The following ROBO1 variants were observed in gnomAD, a reference collection of about 807,000 sequenced individuals.
The protein encoded by ROBO1 is roundabout homolog 1.
ROBO1 carries 149 observed loss-of-function variants against 195.9 expected under a neutral mutation model. The observed-to-expected ratio is 0.76, with a 90% CI of 0.67 to 0.87. ROBO1 has a LOEUF of 0.87. Among genes scored for constraint, ROBO1 ranks in the 40% least tolerant of loss-of-function variants. The pLI, the probability that ROBO1 is intolerant of heterozygous loss-of-function variation, is 0.00. For missense variants in ROBO1, 1,933 were observed against 2,068.3 expected (o/e 0.93, Z 1.27); for synonymous variants, 816 against 733.2 (o/e 1.11, Z -1.82).
chr3:79,105,492 C>T (rs998088487), intron 3 of ROBO1, among the ~76,000 whole-genome samples: 2 of 151,328 alleles, frequency 1.3e-5, no homozygotes, highest in Non-Finnish European at 3.0e-5. Context: ...AGCCAGCTAG[C>T]AATTTGGTAA....
At chr3:79,349,066 G>A (rs916926952) in intron 2 of ROBO1, among the ~76,000 whole-genome samples, 4 of 152,172 alleles carry the variant, frequency 2.6e-5, no homozygotes, top group Admixed American at 1.3e-4. Flanking sequence ...TTTGTACTGT[G>A]AGGATGCTAG....
At chr3:78,657,370 T>C in intron 17 of ROBO1, 101 bp from the exon 18 acceptor site, 1 of 1,096,210 alleles carries the variant, frequency 9.1e-7, no homozygotes, top group South Asian at 1.6e-5. Context: ...AGTACTAAAC[T>C]GTCATGCACT....
intron 1 of ROBO1, among the ~76,000 whole-genome samples, chr3:79,734,003 A>G (rs1177125404): frequency 6.7e-6 from 1 of 149,016 alleles, no homozygotes; most frequent in Non-Finnish European, 1.5e-5. Context: ...GCTGGATTGC[A>G]ATGGTGCGAT....
chr3:78,935,745 A>T (rs895874984), intron 4 of ROBO1, among the ~76,000 whole-genome samples: 1 of 152,072 alleles, frequency 6.6e-6, no homozygotes, highest in Non-Finnish European at 1.5e-5. Flanking sequence ...TCTCATCAAG[A>T]CATGATTATT....
chr3:78,729,152 C>T (rs1255493943), intron 5 of ROBO1, among the ~76,000 whole-genome samples: 1 of 152,168 alleles, frequency 6.6e-6, no homozygotes, highest in Non-Finnish European at 1.5e-5. Flanking sequence ...TCATTTCTTC[C>T]TCATAACAAT....
intron 2 of ROBO1, among the ~76,000 whole-genome samples, chr3:79,583,295 T>C (rs1402148854): frequency 3.3e-5 from 5 of 152,006 alleles, no homozygotes; most frequent in African/African-American, 1.2e-4. Context: ...GGAAAAAGAA[T>C]GTGAGGACAA....
chr3:79,507,368 T>C (rs748700473), intron 2 of ROBO1, among the ~76,000 whole-genome samples: 1 of 152,212 alleles, frequency 6.6e-6, no homozygotes, highest in Non-Finnish European at 1.5e-5. Flanking sequence ...CAGGGGTTTT[T>C]GTTCACTGAC....
chr3:79,651,901 T>A (rs917609829), intron 1 of ROBO1, among the ~76,000 whole-genome samples: 7 of 152,148 alleles, frequency 4.6e-5, no homozygotes, highest in African/African-American at 1.7e-4. Flanking sequence ...ACCAACATTT[T>A]TTCTCTTACT....
intron 11 of ROBO1, 60 bp from the exon 12 acceptor site, chr3:78,668,625 A>G: frequency 6.6e-7 from 1 of 1,504,282 alleles, no homozygotes; most frequent in Non-Finnish European, 9.2e-7. Context: ...GGGCTGGAAA[A>G]GCAATTACAG....
chr3:79,018,644 G>C, intron 3 of ROBO1: 1 of 1,415,344 alleles, frequency 7.1e-7, no homozygotes, highest in Admixed American at 2.7e-5. Flanking sequence ...GTATCTCAGA[G>C]ACTTTTGCAG....
At chr3:79,431,514 A>T (rs570774856) in intron 2 of ROBO1, among the ~76,000 whole-genome samples, 88 of 152,260 alleles carry the variant, frequency 5.8e-4, no homozygotes, top group Non-Finnish European at 5.7e-4. Context: ...CTGCGATACC[A>T]TGGTAATGCA....
chr3:78,891,475 G>A (rs953572238), intron 4 of ROBO1, among the ~76,000 whole-genome samples: 11 of 152,246 alleles, frequency 7.2e-5, no homozygotes, highest in Admixed American at 2.6e-4. Context: ...GGCAAAAATA[G>A]AAACAACCCT....
intron 2 of ROBO1, among the ~76,000 whole-genome samples, chr3:79,434,774 T>A (rs892027806): frequency 1.8e-4 from 27 of 152,276 alleles, no homozygotes; most frequent in African/African-American, 6.0e-4. Context: ...GTATGTTTAT[T>A]GTGGCACTAT....
chr3:79,018,646 CTT>C (rs2078018838), intron 3 of ROBO1: 1 of 1,416,134 alleles, frequency 7.1e-7, no homozygotes, highest in Non-Finnish European at 9.2e-7. Flanking sequence ...ATCTCAGAGA[CTT>C]TTGCAGAGGA....
At chr3:79,317,399 G>A (rs958427556) in intron 2 of ROBO1, among the ~76,000 whole-genome samples, 2 of 151,528 alleles carry the variant, frequency 1.3e-5, no homozygotes, top group South Asian at 2.1e-4. Context: ...TGCTCACTAC[G>A]CCAGCTTCCA....
chr3:79,520,157 CAAA>C lies in ROBO1; in HGVS notation c.88+69664_88+69666del, dbSNP rs111705222. On this transcript the variant is annotated intron_variant, in intron 2 of 30. Coordinates refer to ENST00000464233, the MANE Select transcript of ROBO1 (RefSeq NM_002941.4). ...AGCCTGGGTGACTGCAAGATTCTAT[CAAA>C]AAAAAAAAAAAAAGAGAGAGAGAGA... Among the ~76,000 whole-genome samples the C allele has an allele frequency of 9.3e-5, 9 of 96,446 alleles. No homozygotes were observed. In the South Asian group the frequency reaches 1.7e-3, roughly 18 times the overall value. 63.3% of individuals were successfully genotyped at this position (96,446 alleles called of 152,430 possible).
intron 2 of ROBO1, among the ~76,000 whole-genome samples, chr3:79,169,957 T>A (rs988051754): frequency 1.3e-5 from 2 of 152,136 alleles, no homozygotes; most frequent in African/African-American, 4.8e-5. Flanking sequence ...AGCTTTGAAG[T>A]ACAAAAATGT....
At chr3:79,741,983 G>A (rs772547973) in intron 1 of ROBO1, among the ~76,000 whole-genome samples, 4 of 152,200 alleles carry the variant, frequency 2.6e-5, no homozygotes, top group Non-Finnish European at 4.4e-5. Context: ...AAGCAGCAGA[G>A]TGTTCAATAT....
At chr3:79,153,277 G>A (rs1310064054) in intron 2 of ROBO1, among the ~76,000 whole-genome samples, 2 of 151,704 alleles carry the variant, frequency 1.3e-5, no homozygotes, top group Non-Finnish European at 2.9e-5. Context: ...CTTTATCAGA[G>A]AGCAGAGGAT....
Sources: allele counts gnomAD v4.1 joint callset (sites outside exome capture counted in the v4.1 genomes callset), GRCh38; gene constraint gnomAD v4.1.1; transcripts MANE v1.5; gene names NCBI Gene and HGNC (gene_info 2026-07-23, HGNC 2026-07-21).